Variants in SEC23IP observed in about 807,000 individuals in gnomAD.
SEC23IP encodes the protein SEC23-interacting protein.
SEC23IP carries 70 observed loss-of-function variants against 113.4 expected under a neutral mutation model. The observed-to-expected ratio is 0.62, with a 90% confidence interval of 0.51 to 0.75. The LOEUF (loss-of-function observed/expected upper bound fraction) is 0.75, where lower values mean the gene tolerates loss of function less well. Ranked by LOEUF, SEC23IP falls within the 30% of genes least tolerant of loss-of-function variation. The pLI is 0.00. For synonymous variants in SEC23IP, 398 were observed against 421.0 expected (o/e 0.95, Z 0.67); for missense variants, 1,160 against 1,204.9 (o/e 0.96, Z 0.55).
chr10:119,894,947 A>C (rs1348171245), intron 1 of SEC23IP, among the ~76,000 whole-genome samples: 2 of 149,088 alleles, frequency 1.3e-5, no homozygotes, highest in Non-Finnish European at 3.0e-5. Flanking sequence ...AATATTAATA[A>C]TTTTAGAACT....
At chr10:119,928,691 C>T (rs1178801587) in intron 13 of SEC23IP, among the ~76,000 whole-genome samples, 1 of 152,206 alleles carries the variant, frequency 6.6e-6, no homozygotes, top group African/African-American at 2.4e-5. Context: ...AATAAAAAGA[C>T]ACATTTCCTG....
At chr10:119,904,348 C>A in intron 4 of SEC23IP, 71 bp downstream of exon 4, 1 of 1,316,506 alleles carries the variant, frequency 7.6e-7, no homozygotes, top group Non-Finnish European at 1.1e-6. Flanking sequence ...TGAGTAACAT[C>A]ATTCACAGTG....
intron 1 of SEC23IP, among the ~76,000 whole-genome samples, chr10:119,894,998 T>C (rs1399167023): frequency 6.6e-6 from 1 of 151,908 alleles, no homozygotes; most frequent in Non-Finnish European, 1.5e-5. Context: ...ATTCAGAGAA[T>C]TTCCAGAGAC....
At chr10:119,896,285 G>A (rs147422060) in intron 1 of SEC23IP, among the ~76,000 whole-genome samples, 154 of 152,324 alleles carry the variant, frequency 1.0e-3, no homozygotes, top group African/African-American at 3.3e-3. Flanking sequence ...AATGCATCCT[G>A]AGTAAATATT....
At chr10:119,933,226 A>T (rs1855664112) in intron 17 of SEC23IP, 59 bp downstream of exon 17, 1 of 1,429,540 alleles carries the variant, frequency 7.0e-7, no homozygotes, top group Non-Finnish European at 9.8e-7. Context: ...CACGTGCAGC[A>T]ATTTTAGTTT....
chr10:119,932,071 T>C, intron 15 of SEC23IP, 62 bp from the exon 16 acceptor site: 1 of 1,075,378 alleles, frequency 9.3e-7, no homozygotes, highest in Non-Finnish European at 1.4e-6. Context: ...ACTTACAATT[T>C]TTGTGAGGCA....
intron 12 of SEC23IP, among the ~76,000 whole-genome samples, chr10:119,924,227 A>C (rs917294067): frequency 2.0e-5 from 3 of 152,174 alleles, no homozygotes; most frequent in African/African-American, 7.2e-5. Flanking sequence ...TTAAATAATA[A>C]GATCATTTTG....
At chr10:119,923,890 A>G (rs1176670254) in intron 12 of SEC23IP, among the ~76,000 whole-genome samples, 4 of 152,182 alleles carry the variant, frequency 2.6e-5, no homozygotes, top group Non-Finnish European at 5.9e-5. Flanking sequence ...CACAGTTTAA[A>G]AAGTATTGCA....
intron 4 of SEC23IP, chr10:119,904,544 C>T (rs1329838183): frequency 2.1e-5 from 7 of 337,162 alleles, no homozygotes; most frequent in Non-Finnish European, 3.8e-5. Flanking sequence ...GAACCTAGGC[C>T]GCTGGGATTT....
At chr10:119,901,584 G>A (rs1020474917) in intron 2 of SEC23IP, among the ~76,000 whole-genome samples, 5 of 152,136 alleles carry the variant, frequency 3.3e-5, no homozygotes, top group African/African-American at 1.2e-4. Context: ...TATACAATTC[G>A]ATTTATTTAA....
At chr10:119,907,415 G>T (rs1854710194) in intron 4 of SEC23IP, among the ~76,000 whole-genome samples, 1 of 151,918 alleles carries the variant, frequency 6.6e-6, no homozygotes, top group Non-Finnish European at 1.5e-5. Context: ...ACTGTTACTA[G>T]TTTTAAAAAA....
chr10:119,931,595 C>G (rs2134527042), intron 15 of SEC23IP, among the ~76,000 whole-genome samples: 1 of 151,390 alleles, frequency 6.6e-6, no homozygotes, highest in Middle Eastern at 3.4e-3. Flanking sequence ...CTCTGTTGCC[C>G]AGGCTGGAGT....
intron 6 of SEC23IP, among the ~76,000 whole-genome samples, chr10:119,914,205 T>A (rs1351189734): frequency 6.6e-6 from 1 of 152,246 alleles, no homozygotes; most frequent in African/African-American, 2.4e-5. Context: ...TGGGTAGGAT[T>A]TGGCCTGTGG....
chr10:119,920,978 C>G lies in SEC23IP; in HGVS notation c.2115C>G (p.Ala705=). The change falls in exon 12 of 19, where the codon GCC becomes GCG. Residue 705 remains alanine (A), a synonymous_variant. Transcript: ENST00000369075. ...CTAACTTTGTAGAACATAAAGCAGC[C>G]AAACTGGTAAAGTTCACCTCTGACT... ...KIANFVEHKA[A]KLKKAASEKK... is the part of the protein sequence containing the mutation. 1 of 1,610,248 alleles carries G rather than the reference C, an allele frequency of 6.2e-7. No homozygotes were observed. Among genetic ancestry groups the G allele is most frequent in the South Asian group, 1.1e-5 (1 of 91,002 alleles).
chr10:119,917,724 T>A (rs1279679949), intron 8 of SEC23IP, 112 bp from the exon 9 acceptor site: 4 of 720,068 alleles, frequency 5.6e-6, no homozygotes, highest in Non-Finnish European at 9.1e-6. Flanking sequence ...CAACTCATAG[T>A]CTGTGGGGTT....
chr10:119,907,686 C>T (rs1258529618), intron 4 of SEC23IP, among the ~76,000 whole-genome samples: 1 of 152,212 alleles, frequency 6.6e-6, no homozygotes, highest in East Asian at 1.9e-4. Flanking sequence ...CACCGTAGCT[C>T]ACGCCTGTAA....
chr10:119,896,455 A>C (rs890808406), intron 1 of SEC23IP, among the ~76,000 whole-genome samples: 3 of 152,180 alleles, frequency 2.0e-5, no homozygotes, highest in African/African-American at 4.8e-5. Flanking sequence ...AGTTAAGATA[A>C]ACTCCGTTTT....
Position 119,920,847 on chromosome 10 carries a change from A to C in SEC23IP, c.2026-42A>C, listed in dbSNP as rs2271123. On this transcript the variant is annotated intron_variant, in intron 11 of 18. Transcript: ENST00000369075. ...TTCATATTCTCATTTCAGTTCTTCTATCACTAGATTGATTAATGTGCTTGT... is the reference window on the plus strand; with the variant it reads ...TTCATATTCTCATTTCAGTTCTTCTCTCACTAGATTGATTAATGTGCTTGT... 3 of 1,295,320 alleles carry C rather than the reference A, an allele frequency of 2.3e-6. No homozygotes were observed. In the African/African-American group the frequency reaches 4.4e-5, roughly 19 times the overall value. The allele number at this position is 1,295,320 out of a possible 1,614,324, so 80.2% of individuals were successfully genotyped here. A position where few individuals can be genotyped will look rare whatever the true frequency, so the allele number is the denominator to read the frequency against.
intron 12 of SEC23IP, among the ~76,000 whole-genome samples, chr10:119,922,808 A>G (rs1201959963): frequency 1.3e-5 from 2 of 152,198 alleles, no homozygotes; most frequent in Non-Finnish European, 2.9e-5. Flanking sequence ...ATTCCAATTT[A>G]CAAAGAGCTT....
Sources: allele counts gnomAD v4.1 joint callset (sites outside exome capture counted in the v4.1 genomes callset), GRCh38; gene constraint gnomAD v4.1.1; transcripts MANE v1.5; gene names NCBI Gene and HGNC (gene_info 2026-07-23, HGNC 2026-07-21).